The following ITIH5 variants were observed in gnomAD, a reference collection of about 807,000 sequenced individuals.
ITIH5 encodes the protein inter-alpha-trypsin inhibitor heavy chain H5.
ITIH5 carries 65 observed loss-of-function variants against 77.5 expected under a neutral mutation model. The observed-to-expected ratio is 0.84, with a 90% CI of 0.69 to 1.03. The LOEUF (loss-of-function observed/expected upper bound fraction) is 1.03, where lower values mean the gene tolerates loss of function less well. Among genes scored for constraint, ITIH5 ranks in the 50% least tolerant of loss-of-function variants. The pLI, the probability that ITIH5 is intolerant of heterozygous loss-of-function variation, is 0.00. For synonymous variants in ITIH5, 525 were observed against 494.3 expected, an observed-to-expected ratio of 1.06 and a Z score of -0.82; for missense variants, 1,208 against 1,213.1, an observed-to-expected ratio of 1.00 and a Z score of 0.06.
chr10:7,620,671 T>C (rs924321714), intron 5 of ITIH5: 8 of 114,602 alleles, frequency 7.0e-5, no homozygotes, highest in African/African-American at 3.0e-4. Flanking sequence ...ATAACAATGT[T>C]ATTTGCCAAA....
At chr10:7,588,422 G>T (rs574212986) in intron 7 of ITIH5, among the ~76,000 whole-genome samples, 1 of 152,362 alleles carries the variant, frequency 6.6e-6, no homozygotes, top group Admixed American at 6.5e-5. Flanking sequence ...GGAGGCTGAG[G>T]CGGGAGAATC....
chr10:7,662,040 C>T (rs1307383480), intron 1 of ITIH5, among the ~76,000 whole-genome samples: 2 of 152,186 alleles, frequency 1.3e-5, no homozygotes, highest in Non-Finnish European at 2.9e-5. Flanking sequence ...TTAGGCAAGT[C>T]ACCCTGTTTA....
chr10:7,582,604 C>T (rs573546238), intron 8 of ITIH5, among the ~76,000 whole-genome samples: 1 of 152,248 alleles, frequency 6.6e-6, no homozygotes, highest in South Asian at 2.1e-4. Flanking sequence ...TCTCTACCTG[C>T]AAATTTTACC....
chr10:7,633,349 T>A (rs960701031), intron 5 of ITIH5, among the ~76,000 whole-genome samples: 5 of 152,176 alleles, frequency 3.3e-5, no homozygotes, highest in African/African-American at 9.7e-5. Context: ...ATCCCATTAA[T>A]TTACAATTCA....
intron 5 of ITIH5, among the ~76,000 whole-genome samples, chr10:7,632,985 C>T (rs943271828): frequency 6.6e-6 from 1 of 152,108 alleles, no homozygotes; most frequent in African/African-American, 2.4e-5. Context: ...TTAGCAAAGA[C>T]AGTAGAGTAA....
At chr10:7,567,168 G>C (rs1832202933) in intron 12 of ITIH5, among the ~76,000 whole-genome samples, 2 of 151,564 alleles carry the variant, frequency 1.3e-5, no homozygotes, top group East Asian at 2.0e-4. Context: ...ATCGTAGATG[G>C]AGGCATGAAG....
chr10:7,602,465 G>A (rs1313203141), intron 7 of ITIH5, among the ~76,000 whole-genome samples: 1 of 152,164 alleles, frequency 6.6e-6, no homozygotes, highest in Non-Finnish European at 1.5e-5. Flanking sequence ...TTTCCCCCAG[G>A]CTGTTCTCAT....
chr10:7,615,033 G>C (rs1216033819), intron 7 of ITIH5, among the ~76,000 whole-genome samples: 1 of 152,166 alleles, frequency 6.6e-6, no homozygotes, highest in African/African-American at 2.4e-5. Context: ...GGATACCTAA[G>C]GTCAGGAGTT....
intron 1 of ITIH5, among the ~76,000 whole-genome samples, chr10:7,666,205 C>A (rs537599882): frequency 1.3e-5 from 2 of 152,218 alleles, no homozygotes; most frequent in South Asian, 4.2e-4. Flanking sequence ...AGGTTTTATT[C>A]GCCTGCGAGG....
At chr10:7,585,837 A>C (rs942341874) in intron 8 of ITIH5, 64 bp downstream of exon 8, 72 of 1,448,366 alleles carry the variant, frequency 5.0e-5, no homozygotes, top group Non-Finnish European at 6.5e-5. Flanking sequence ...AAAAAAAAAA[A>C]AAACCAAAAA....
Position 7,641,918 on chromosome 10 carries a change from G to A in ITIH5, c.299+9C>T, listed in dbSNP as rs1263845725. 1.9e-6 allele frequency: 3 copies of A among 1,612,848 alleles called. No individual in the cohort carries two copies. In the African/African-American group the frequency reaches 4.0e-5, roughly 22 times the overall value. On this transcript the variant is annotated intron_variant, in intron 3 of 13. Coordinates refer to ENST00000397146, the MANE Select transcript of ITIH5 (RefSeq NM_030569.7). ...AGAAATCTTCATCCCTGACCAGCGT[G>A]TCACCTACATAGTGAAGTTGGTGAT...
At chr10:7,567,040 A>G (rs1291366097) in intron 12 of ITIH5, among the ~76,000 whole-genome samples, 1 of 151,980 alleles carries the variant, frequency 6.6e-6, no homozygotes, top group Non-Finnish European at 1.5e-5. Context: ...GAGGTCACTC[A>G]GTGGTCACCA....
rs1832027461 is a variant in ITIH5 at position 7,560,829 on chromosome 10, C to G, written c.*2254G>C. 1.3e-5 allele frequency: 2 copies of G among 152,078 alleles called. No individual in the cohort carries two copies. Among genetic ancestry groups the G allele is most frequent in the Admixed American group, 6.5e-5 (1 of 15,274 alleles). The allele number at this position is 152,078 out of a possible 1,614,324, so 9.4% of individuals were successfully genotyped here. A position where few individuals can be genotyped will look rare whatever the true frequency, so the allele number is the denominator to read the frequency against. On this transcript the variant is annotated 3_prime_UTR_variant, in exon 14 of 14. Coordinates refer to ENST00000397146, the MANE Select transcript of ITIH5 (RefSeq NM_030569.7). ...CCCAGATGGTGAAACAGGGTCAAAG[C>G]AAACAAAATGATTCTGGAGGTTCAG...
chr10:7,665,032 A>G (rs1241493236), intron 1 of ITIH5, among the ~76,000 whole-genome samples: 1 of 152,212 alleles, frequency 6.6e-6, no homozygotes, highest in East Asian at 1.9e-4. Context: ...ACTAAATATA[A>G]AAAAGAACGG....
At chr10:7,666,766 C>T in intron 1 of ITIH5, 37 bp downstream of exon 1, 2 of 1,564,422 alleles carry the variant, frequency 1.3e-6, no homozygotes, top group African/African-American at 1.4e-5. Context: ...AAGGGGGCGG[C>T]CGCGCCCGGG....
chr10:7,617,202 G>T lies in ITIH5; in HGVS notation c.733C>A (p.Gln245Lys). Residue 245 changes from glutamine (Q) to lysine (K), a missense_variant, in exon 6 of 14, where the codon CAA becomes AAA. Coordinates refer to ENST00000397146, the MANE Select transcript of ITIH5 (RefSeq NM_030569.7). ...CCATTCTGGGCAATCCTGGCTTGTT[G>T]TACTACAGTAGGTTTAAAAATTATG... Reference protein sequence around the residue: ...ANIIFKPTVVQQARIAQNGIL... With the variant: ...ANIIFKPTVVKQARIAQNGIL... 6.2e-7 allele frequency: 1 copy of T among 1,605,794 alleles called. No homozygotes were observed. Among genetic ancestry groups the T allele is most frequent in the Non-Finnish European group, 8.5e-7 (1 of 1,176,198 alleles).
chr10:7,584,657 A>G (rs2130973911), intron 8 of ITIH5, among the ~76,000 whole-genome samples: 1 of 152,248 alleles, frequency 6.6e-6, no homozygotes, highest in South Asian at 2.1e-4. Context: ...CCACCAGCAC[A>G]CACACATCAT....
rs985882297 is a variant in ITIH5 at position 7,666,876 on chromosome 10, C to T, written c.17G>A (p.Gly6Glu). Residue 6 changes from glycine (G) to glutamate (E), a missense_variant, in exon 1 of 14, where the codon GGG (glycine) becomes GAG (glutamate). Physicochemically the swap from Gly to Glu is moderately conservative, Grantham distance 98. Coordinates refer to ENST00000397146, the MANE Select transcript of ITIH5 (RefSeq NM_030569.7). The stretch of plus-strand genomic sequence containing the variant: ...ACACAGGGACAGCCCCAGGCACAGC[C>T]CCAGCAGCAGGAGCATGGCGGGGCG... MLLLLGLCLGLSLCVG... is the reference protein window; with the variant it reads MLLLLELCLGLSLCVG... 16 of 1,595,694 alleles carry T rather than the reference C, an allele frequency of 1.0e-5. No individual in the cohort carries two copies. Among genetic ancestry groups the T allele is most frequent in the African/African-American group, 1.4e-5 (1 of 72,766 alleles).
intron 2 of ITIH5, among the ~76,000 whole-genome samples, chr10:7,642,392 A>G (rs1833904833): frequency 6.6e-6 from 1 of 152,202 alleles, no homozygotes; most frequent in Admixed American, 6.5e-5. Flanking sequence ...CGTTCCTTAA[A>G]CAGTTCAATC....
Sources: allele counts gnomAD v4.1 joint callset (sites outside exome capture counted in the v4.1 genomes callset), GRCh38; gene constraint gnomAD v4.1.1; transcripts MANE v1.5; gene names NCBI Gene and HGNC (gene_info 2026-07-23, HGNC 2026-07-21).